The following SCAMP1 variants were observed in gnomAD, a reference collection of about 807,000 sequenced individuals.
The protein encoded by SCAMP1 is secretory carrier membrane protein 1, also known as secretory carrier-associated membrane protein 1.
Under a neutral mutation model 41.8 loss-of-function variants are expected in SCAMP1, and 15 were observed. The ratio of observed to expected loss-of-function variants is 0.36; its 90% CI spans 0.24 to 0.55. The LOEUF (loss-of-function observed/expected upper bound fraction) is 0.55, where lower values mean the gene tolerates loss of function less well. Among genes scored for constraint, SCAMP1 ranks in the 20% least tolerant of loss-of-function variants. SCAMP1 has a pLI of 0.86. For missense variants in SCAMP1, 341 were observed against 412.6 expected (o/e 0.83, Z 1.50); for synonymous variants, 135 against 136.8 (o/e 0.99, Z 0.09).
intron 2 of SCAMP1, among the ~76,000 whole-genome samples, chr5:78,402,920 G>GA (rs1332729354): frequency 1.3e-5 from 2 of 152,070 alleles, no homozygotes; most frequent in African/African-American, 2.4e-5. Context: ...CACCCAGGCT[G>GA]GAGTGCAGTG....
intron 6 of SCAMP1, among the ~76,000 whole-genome samples, chr5:78,440,986 G>A (rs1380814492): frequency 2.0e-5 from 3 of 152,208 alleles, no homozygotes; most frequent in Non-Finnish European, 2.9e-5. Flanking sequence ...GCAAGGCTCT[G>A]TGGGCGTGGG....
chr5:78,426,658 A>G (rs974202119), intron 6 of SCAMP1, among the ~76,000 whole-genome samples: 1 of 152,176 alleles, frequency 6.6e-6, no homozygotes, highest in Non-Finnish European at 1.5e-5. Context: ...AATCATTACC[A>G]CAATCAGTTT....
chr5:78,437,117 T>G (rs1347257425), intron 6 of SCAMP1, among the ~76,000 whole-genome samples: 1 of 152,226 alleles, frequency 6.6e-6, no homozygotes. Flanking sequence ...AAGGAGATTT[T>G]GGGCTGAGAT....
At chr5:78,418,747 C>T in intron 4 of SCAMP1, 28 bp from the exon 5 acceptor site, 2 of 1,359,276 alleles carry the variant, frequency 1.5e-6, no homozygotes, top group East Asian at 2.6e-5. Context: ...TATAAATAAC[C>T]TTTTCTTTTT....
chr5:78,458,706 C>T (rs1340653191), intron 7 of SCAMP1, among the ~76,000 whole-genome samples: 1 of 152,068 alleles, frequency 6.6e-6, no homozygotes, highest in South Asian at 2.1e-4. Flanking sequence ...ATGGTGAAAC[C>T]CCGTCTCTAC....
At chr5:78,463,869 CT>C (rs33923232) in intron 8 of SCAMP1, among the ~76,000 whole-genome samples, 1 of 149,994 alleles carries the variant, frequency 6.7e-6, no homozygotes, top group Admixed American at 6.7e-5. Context: ...CTTAATGAAG[CT>C]TTTTTTTTTG....
intron 2 of SCAMP1, among the ~76,000 whole-genome samples, chr5:78,402,223 G>C (rs1283334508): frequency 2.0e-5 from 3 of 149,372 alleles, no homozygotes; most frequent in African/African-American, 7.4e-5. Context: ...TTGTTAAGGT[G>C]TTTTTTATGT....
At chr5:78,396,520 A>G (rs1751655600) in intron 2 of SCAMP1, among the ~76,000 whole-genome samples, 1 of 152,218 alleles carries the variant, frequency 6.6e-6, no homozygotes, top group East Asian at 1.9e-4. Context: ...CCAGATAGAC[A>G]TGTTTAGTAA....
At chr5:78,451,006 A>G (rs931014603) in intron 7 of SCAMP1, among the ~76,000 whole-genome samples, 1 of 152,228 alleles carries the variant, frequency 6.6e-6, no homozygotes, top group Non-Finnish European at 1.5e-5. Context: ...ATTTTAGGGA[A>G]AGGAAATGTT....
At chr5:78,456,880 A>C (rs1221510556) in intron 7 of SCAMP1, among the ~76,000 whole-genome samples, 10 of 109,956 alleles carry the variant, frequency 9.1e-5, no homozygotes, top group Non-Finnish European at 1.7e-4. Context: ...GGCTTTGCTC[A>C]TTTCTTTTTA....
chr5:78,388,777 A>G (rs1455471828), intron 1 of SCAMP1, 60 bp from the exon 2 acceptor site: 6 of 900,584 alleles, frequency 6.7e-6, no homozygotes, highest in South Asian at 3.1e-5. Context: ...GTATGTAAAT[A>G]TCAAAATTAT....
At chr5:78,394,143 G>C (rs1382424409) in intron 2 of SCAMP1, among the ~76,000 whole-genome samples, 2 of 152,128 alleles carry the variant, frequency 1.3e-5, no homozygotes, top group Non-Finnish European at 2.9e-5. Context: ...CAGTGTGAGG[G>C]GGTATGCCCA....
At chr5:78,429,178 T>A (rs192426147) in intron 6 of SCAMP1, among the ~76,000 whole-genome samples, 13 of 152,214 alleles carry the variant, frequency 8.5e-5, no homozygotes, top group Admixed American at 2.0e-4. Flanking sequence ...CTACAGCTTC[T>A]AGGATAGTGA....
At chr5:78,403,713 C>T (rs1242426504) in intron 2 of SCAMP1, among the ~76,000 whole-genome samples, 1 of 152,096 alleles carries the variant, frequency 6.6e-6, no homozygotes, top group Admixed American at 6.5e-5. Flanking sequence ...CGCCTTTAAT[C>T]CCAGCGTTTT....
At chr5:78,438,353 C>G (rs550230129) in intron 6 of SCAMP1, among the ~76,000 whole-genome samples, 2 of 152,040 alleles carry the variant, frequency 1.3e-5, no homozygotes, top group Admixed American at 1.3e-4. Context: ...GAGCATTTAG[C>G]GCTATAAATT....
At chr5:78,384,507 G>GA (rs1244288587) in intron 1 of SCAMP1, among the ~76,000 whole-genome samples, 1 of 152,104 alleles carries the variant, frequency 6.6e-6, no homozygotes, top group Admixed American at 6.5e-5. Flanking sequence ...TAGAAGTGGT[G>GA]AAAGTGGGCA....
At chr5:78,435,845 G>C (rs1017547271) in intron 6 of SCAMP1, among the ~76,000 whole-genome samples, 1 of 152,206 alleles carries the variant, frequency 6.6e-6, no homozygotes, top group Non-Finnish European at 1.5e-5. Context: ...CCCATCAACA[G>C]TGTAAAAGCT....
At chr5:78,404,713 C>T (rs1751889966) in intron 2 of SCAMP1, among the ~76,000 whole-genome samples, 1 of 152,118 alleles carries the variant, frequency 6.6e-6, no homozygotes, top group Admixed American at 6.5e-5. Flanking sequence ...CTCTGATAAG[C>T]CCCAACAGGT....
rs1476755848 is a variant in SCAMP1 at position 78,360,711 on chromosome 5, C to A, written c.40C>A (p.Leu14Ile). 2 of 1,610,144 alleles carry A rather than the reference C, an allele frequency of 1.2e-6. No homozygotes were observed. The highest frequency in any genetic ancestry group is 1.7e-6 in the Non-Finnish European group (2 of 1,178,480). Reference sequence around the variant, plus strand: ...CAGTAACCCGTTTGCCGACCCGGATCTCAACAATCCCTTCAAGGTGAGCTT... The same window carrying A: ...CAGTAACCCGTTTGCCGACCCGGATATCAACAATCCCTTCAAGGTGAGCTT... ...FDSNPFADPDLNNPFKDPSVT... is the reference protein window; with the variant it reads ...FDSNPFADPDINNPFKDPSVT... Residue 14 changes from leucine to isoleucine, a missense_variant, in exon 1 of 9, where the codon CTC (leucine) becomes ATC (isoleucine). By Grantham distance (5) the Leu-to-Ile change is conservative. Coordinates refer to ENST00000621999, the MANE Select transcript of SCAMP1 (RefSeq NM_004866.6).
Sources: allele counts gnomAD v4.1 joint callset (sites outside exome capture counted in the v4.1 genomes callset), GRCh38; gene constraint gnomAD v4.1.1; transcripts MANE v1.5; gene names NCBI Gene and HGNC (gene_info 2026-07-23, HGNC 2026-07-21).